The following PHLDB2 variants were observed in gnomAD, a reference collection of about 807,000 sequenced individuals.
PHLDB2 encodes pleckstrin homology like domain family B member 2.
In PHLDB2, 71 loss-of-function variants were observed where a neutral mutation model predicts 123.6. That is an observed-to-expected ratio of 0.57 (90% CI 0.47 to 0.70). The LOEUF (loss-of-function observed/expected upper bound fraction) is 0.70. Ranked by LOEUF, PHLDB2 falls within the 30% of genes least tolerant of loss-of-function variation. The probability of loss-of-function intolerance (pLI) is 0.00; values close to 1 mark genes in which losing one functional copy is unlikely to be tolerated. For synonymous variants in PHLDB2, 547 were observed against 541.6 expected (o/e 1.01, Z -0.14); for missense variants, 1,446 against 1,519.5 (o/e 0.95, Z 0.80).
intron 1 of PHLDB2, among the ~76,000 whole-genome samples, chr3:111,780,271 A>AGAG (rs34178824): frequency 0.11 from 896 of 7,796 alleles, 242 homozygotes; most frequent in South Asian, 0.2. Flanking sequence ...AAGAAGAAGA[A>AGAG]AAGAAGAAGA....
At chr3:111,803,152 T>C (rs2061440517) in intron 1 of PHLDB2, among the ~76,000 whole-genome samples, 1 of 152,366 alleles carries the variant, frequency 6.6e-6, no homozygotes, top group Middle Eastern at 3.4e-3. Flanking sequence ...TTGGTTGGCA[T>C]CTGCTACTTG....
intron 1 of PHLDB2, among the ~76,000 whole-genome samples, chr3:111,760,866 T>C (rs1410890826): frequency 6.6e-6 from 1 of 152,094 alleles, no homozygotes; most frequent in East Asian, 1.9e-4. Flanking sequence ...TGCTACTTAG[T>C]TCATTCATAG....
chr3:111,946,419 C>T (rs377490213), intron 9 of PHLDB2, among the ~76,000 whole-genome samples: 2 of 152,206 alleles, frequency 1.3e-5, no homozygotes, highest in African/African-American at 4.8e-5. Context: ...ACCCTTTAGA[C>T]AGTGGAGTTT....
chr3:111,925,620 C>T (rs985781989), intron 5 of PHLDB2, among the ~76,000 whole-genome samples: 5 of 152,188 alleles, frequency 3.3e-5, no homozygotes, highest in Middle Eastern at 3.2e-3. Context: ...TCTGGTCTAG[C>T]AAACTGTTTT....
chr3:111,836,688 G>A (rs2063418834), intron 1 of PHLDB2, among the ~76,000 whole-genome samples: 1 of 152,168 alleles, frequency 6.6e-6, no homozygotes, highest in Non-Finnish European at 1.5e-5. Flanking sequence ...GGCTGAGGAG[G>A]CCTCAGGGAC....
At chr3:111,944,589 T>A (rs2070160587) in intron 8 of PHLDB2, among the ~76,000 whole-genome samples, 1 of 152,284 alleles carries the variant, frequency 6.6e-6, no homozygotes, top group East Asian at 1.9e-4. Flanking sequence ...ATCAACAACA[T>A]CATGTGATAT....
intron 3 of PHLDB2, chr3:111,915,222 G>A (rs1471693176): frequency 6.6e-6 from 1 of 152,114 alleles, no homozygotes; most frequent in Non-Finnish European, 1.5e-5. Flanking sequence ...CTCTTTAAGA[G>A]GAAGATATTG....
rs1490870230 is a variant in PHLDB2 at position 111,831,859 on chromosome 3, T to G, written c.-48-13962T>G. 3.3e-5 allele frequency among the ~76,000 whole-genome samples: 5 copies of G among 152,200 alleles called. No individual in the cohort carries two copies. In the East Asian group the frequency reaches 9.6e-4, roughly 29 times the overall value. ...ACAAGTAGGATGTTGTAGTACCTTC[T>G]GCCTCTCCTATTATGTTGAATCCAG... On this transcript the variant is annotated intron_variant, in intron 1 of 17. Coordinates refer to the PHLDB2 transcript ENST00000393923.
intron 1 of PHLDB2, among the ~76,000 whole-genome samples, chr3:111,810,232 G>C (rs1160381300): frequency 1.3e-5 from 2 of 152,106 alleles, no homozygotes; most frequent in African/African-American, 4.8e-5. Context: ...GGAAATATGT[G>C]TTCCAGGAAG....
intron 1 of PHLDB2, among the ~76,000 whole-genome samples, chr3:111,810,602 C>G (rs571624426): frequency 2.2e-4 from 34 of 152,182 alleles, no homozygotes; most frequent in Admixed American, 6.5e-4. Context: ...CCTCATTTAA[C>G]CTTAATTACC....
exon 2 of PHLDB2, chr3:111,845,921 A>T: frequency 6.2e-7 from 1 of 1,614,058 alleles, no homozygotes; most frequent in Non-Finnish European, 8.5e-7. Flanking sequence ...GGAGTTGGTG[A>T]TGTGCAACAT....
Position 111,940,661 on chromosome 3 carries a change from T to C in PHLDB2, c.2397+16T>C. On this transcript the variant is annotated intron_variant, in intron 8 of 17. Coordinates refer to ENST00000431670, the MANE Select transcript of PHLDB2 (RefSeq NM_001134438.2). ...GTTGCAAAGAGTAAGTATTTCCTTT[T>C]CAGCACTGGCTACAGTAAAACATAG... 2 of 1,465,448 alleles carry C rather than the reference T, an allele frequency of 1.4e-6. No homozygotes were observed. The highest frequency in any genetic ancestry group is 2.6e-5 in the South Asian group (2 of 77,008). 90.8% of individuals were successfully genotyped at this position (1,465,448 alleles called of 1,614,324 possible).
At chr3:111,774,290 T>C (rs1326707671) in intron 1 of PHLDB2, among the ~76,000 whole-genome samples, 3 of 152,168 alleles carry the variant, frequency 2.0e-5, no homozygotes, top group Non-Finnish European at 4.4e-5. Flanking sequence ...ACAGCAGATG[T>C]TTTTCCAGAC....
At position 111,866,014 on chromosome 3, in the gene PHLDB2, ATTTTTTTT is replaced by A. The variant is rs61038523; in HGVS notation, c.-15+6455_-15+6462del. 3.4e-3 allele frequency among the ~76,000 whole-genome samples: 193 copies of A among 57,432 alleles called. 4 individuals are homozygous for A. In the Middle Eastern group the frequency reaches 0.11, roughly 31 times the overall value. The allele number at this position is 57,432 out of a possible 152,430, so 37.7% of individuals were successfully genotyped here. A position where few individuals can be genotyped will look rare whatever the true frequency, so the allele number is the denominator to read the frequency against. On this transcript the variant is annotated intron_variant, in intron 1 of 17. Coordinates refer to ENST00000431670, the MANE Select transcript of PHLDB2 (RefSeq NM_001134438.2). ...TTTTAGAAACCTACCCCACCCACTCATTTTTTTTTTTTTTTTTTTTTTTTGGAGACAGA... is the reference window on the plus strand; with the variant it reads ...TTTTAGAAACCTACCCCACCCACTCATTTTTTTTTTTTTTTTGGAGACAGA...
At chr3:111,929,482 C>G (rs755770795) in intron 5 of PHLDB2, among the ~76,000 whole-genome samples, 3 of 152,194 alleles carry the variant, frequency 2.0e-5, no homozygotes, top group Non-Finnish European at 4.4e-5. Flanking sequence ...CAAATGCCAT[C>G]TATTTTACAT....
intron 1 of PHLDB2, among the ~76,000 whole-genome samples, chr3:111,764,460 G>T (rs779000172): frequency 2.4e-4 from 36 of 152,018 alleles, no homozygotes; most frequent in Non-Finnish European, 4.6e-4. Flanking sequence ...ATTGTTGTTA[G>T]GTTGATAAAT....
chr3:111,733,815 C>T (rs1941588546), intron 1 of PHLDB2, among the ~76,000 whole-genome samples: 1 of 152,168 alleles, frequency 6.6e-6, no homozygotes, highest in Non-Finnish European at 1.5e-5. Context: ...GAAATGTTGT[C>T]ATATGGTCAC....
chr3:111,903,094 G>A (rs2067293471), intron 2 of PHLDB2, among the ~76,000 whole-genome samples: 1 of 152,110 alleles, frequency 6.6e-6, no homozygotes, highest in African/African-American at 2.4e-5. Flanking sequence ...CATGAGATAA[G>A]ATTAAAAGAA....
intron 10 of PHLDB2, chr3:111,949,865 G>GGCA: frequency 2.0e-6 from 2 of 985,932 alleles, no homozygotes; most frequent in Non-Finnish European, 2.4e-6. Context: ...AAACACAGAA[G>GGCA]GCAGCAGCAG....
Sources: allele counts gnomAD v4.1 joint callset (sites outside exome capture counted in the v4.1 genomes callset), GRCh38; gene constraint gnomAD v4.1.1; transcripts MANE v1.5; gene names NCBI Gene and HGNC (gene_info 2026-07-23, HGNC 2026-07-21).